FAM81A: variants seen among roughly 807,000 people sequenced by gnomAD.
FAM81A encodes the protein protein FAM81A.
In FAM81A, 19 loss-of-function variants were observed where a neutral mutation model predicts 46.7. The observed-to-expected ratio is 0.41, with a 90% CI of 0.28 to 0.60. FAM81A has a LOEUF of 0.60. FAM81A is among the 20% of genes least tolerant of loss of function. The pLI is 0.34. For missense variants in FAM81A, 377 were observed against 453.5 expected (o/e 0.83, Z 1.53); for synonymous variants, 183 against 152.9 (o/e 1.20, Z -1.45).
intron 2 of FAM81A, chr15:59,406,906 G>A (rs567463548): frequency 2.0e-5 from 3 of 149,040 alleles, no homozygotes; most frequent in Admixed American, 2.0e-4. Flanking sequence ...TTTTTTTTAA[G>A]GAGAATTTGT....
At chr15:59,446,785 T>C (rs1409706584) in intron 1 of FAM81A, 7 of 152,220 alleles carry the variant, frequency 4.6e-5, no homozygotes, top group Admixed American at 3.9e-4. Flanking sequence ...GCACAGGCGA[T>C]CCAGGCTTCA....
intron 3 of FAM81A, among the ~76,000 whole-genome samples, chr15:59,463,937 G>A (rs2081582608): frequency 6.6e-6 from 1 of 152,000 alleles, no homozygotes; most frequent in African/African-American, 2.4e-5. Context: ...GTAATTTTGT[G>A]TCGTTTAACA....
chr15:59,516,617 T>G, intron 7 of FAM81A, 28 bp from the exon 8 acceptor site: 2 of 1,590,200 alleles, frequency 1.3e-6, no homozygotes, highest in South Asian at 1.2e-5. Context: ...TTGGAGTGAT[T>G]AAGTGCAGTT....
At chr15:59,404,351 T>C (rs1019116870) in intron 2 of FAM81A, among the ~76,000 whole-genome samples, 4 of 152,216 alleles carry the variant, frequency 2.6e-5, no homozygotes, top group African/African-American at 9.6e-5. Flanking sequence ...TCAGAGTCCA[T>C]AGCCCATATT....
intron 4 of FAM81A, 21 bp from the exon 5 acceptor site, chr15:59,507,192 C>A (rs1366329422): frequency 6.2e-7 from 1 of 1,602,172 alleles, no homozygotes; most frequent in South Asian, 1.1e-5. Flanking sequence ...TAAGAATCAG[C>A]TTTGTTCTTT....
chr15:59,483,552 T>C (rs1300547901), intron 3 of FAM81A, among the ~76,000 whole-genome samples: 1 of 152,172 alleles, frequency 6.6e-6, no homozygotes, highest in Non-Finnish European at 1.5e-5. Flanking sequence ...TAAGCATAAT[T>C]ACATCTCTAC....
At chr15:59,464,768 TTTTCAC>T (rs1466587298) in intron 3 of FAM81A, among the ~76,000 whole-genome samples, 1 of 152,244 alleles carries the variant, frequency 6.6e-6, no homozygotes, top group Non-Finnish European at 1.5e-5. Context: ...GTAGATTGTC[TTTTCAC>T]TTTGTGGATT....
At chr15:59,487,975 A>G (rs879360179) in intron 3 of FAM81A, among the ~76,000 whole-genome samples, 3 of 152,068 alleles carry the variant, frequency 2.0e-5, no homozygotes, top group Non-Finnish European at 2.9e-5. Context: ...AAAACAAAAA[A>G]CCTACAGGCC....
At chr15:59,464,144 A>C (rs1353033231) in intron 3 of FAM81A, among the ~76,000 whole-genome samples, 2 of 152,144 alleles carry the variant, frequency 1.3e-5, no homozygotes, top group African/African-American at 4.8e-5. Context: ...CAAAAGACAG[A>C]ATTTTGTTCT....
At chr15:59,500,308 C>A (rs1305825278) in intron 4 of FAM81A, among the ~76,000 whole-genome samples, 1 of 152,042 alleles carries the variant, frequency 6.6e-6, no homozygotes. Flanking sequence ...CTTTCTCTCT[C>A]TTTCCTTTGA....
At chr15:59,403,147 A>G (rs1192948939) in intron 2 of FAM81A, among the ~76,000 whole-genome samples, 1 of 152,122 alleles carries the variant, frequency 6.6e-6, no homozygotes, top group East Asian at 1.9e-4. Flanking sequence ...GTGTCCAGAG[A>G]AATCCATTCA....
intron 4 of FAM81A, among the ~76,000 whole-genome samples, chr15:59,504,759 T>G (rs964900039): frequency 1.3e-5 from 2 of 152,360 alleles, no homozygotes; most frequent in Non-Finnish European, 1.5e-5. Flanking sequence ...CCCTCAATAC[T>G]TAGAAGATGT....
upstream of FAM81A, among the ~76,000 whole-genome samples, chr15:59,433,241 AG>A (rs1291409172): frequency 2.6e-4 from 15 of 57,418 alleles, 4 homozygotes; most frequent in Non-Finnish European, 1.8e-4. Flanking sequence ...ATGGATCATG[AG>A]GTCAGGCTAT....
chr15:59,459,468 A>G (rs2081523797), intron 2 of FAM81A, among the ~76,000 whole-genome samples: 1 of 152,158 alleles, frequency 6.6e-6, no homozygotes, highest in Non-Finnish European at 1.5e-5. Flanking sequence ...TTTAGCTGGG[A>G]AATGCCCTTT....
rs574491778 is a variant in FAM81A at position 59,482,385 on chromosome 15, C to T, written c.295-9886C>T. Among the ~76,000 whole-genome samples, 4 of 152,316 alleles carry T rather than the reference C, an allele frequency of 2.6e-5. No individual in the cohort carries two copies. In the East Asian group the frequency reaches 7.7e-4, roughly 29 times the overall value. Reference sequence around the variant, plus strand: ...CTGGGTCCAAGCAATTCTCCTGCCTCAGCCTCCTGAGTAGCTGGGATTACA... The same window carrying T: ...CTGGGTCCAAGCAATTCTCCTGCCTTAGCCTCCTGAGTAGCTGGGATTACA... On this transcript the variant is annotated intron_variant, in intron 3 of 8. Coordinates refer to ENST00000288228, the MANE Select transcript of FAM81A (RefSeq NM_152450.3).
chr15:59,414,250 G>A (rs775739052), intron 2 of FAM81A, among the ~76,000 whole-genome samples: 6 of 152,102 alleles, frequency 3.9e-5, no homozygotes, highest in Non-Finnish European at 5.9e-5. Context: ...CACCACACCT[G>A]GCCCACATTC....
intron 2 of FAM81A, among the ~76,000 whole-genome samples, chr15:59,427,811 A>G (rs563989140): frequency 3.2e-4 from 49 of 152,328 alleles, no homozygotes; most frequent in African/African-American, 1.1e-3. Context: ...CATCTGCTGA[A>G]TACACTTAGG....
chr15:59,495,599 CTG>C (rs1279997743), intron 4 of FAM81A, among the ~76,000 whole-genome samples: 1 of 152,198 alleles, frequency 6.6e-6, no homozygotes, highest in African/African-American at 2.4e-5. Context: ...CGCAGCTAGA[CTG>C]TTTGCCGAAG....
rs1488464537 is a variant in FAM81A, at chr15:59,422,887, A to G, written c.-78+20529A>G. ...GAAATTTCTGTCATTTATTGAATTC[A>G]CAAGTTAATTTAAGTTTTAAATGGT... is the stretch of plus-strand genomic sequence containing the variant. On this transcript the variant is annotated intron_variant, in intron 2 of 4. Transcript: ENST00000558348. 3.9e-5 allele frequency among the ~76,000 whole-genome samples: 6 copies of G among 152,250 alleles called. No individual in the cohort carries two copies. The East Asian group carries it at 9.6e-4, about 24-fold the overall frequency.
Sources: gnomAD v4.1 joint callset for allele counts (sites outside exome capture counted in the v4.1 genomes callset) on GRCh38, gnomAD v4.1.1 for gene constraint, MANE v1.5 for transcripts, NCBI Gene and HGNC (gene_info 2026-07-23, HGNC 2026-07-21) for gene names.